The following SNX20 variants were observed in gnomAD, a reference collection of about 807,000 sequenced individuals.
The protein encoded by SNX20 is sorting nexin 20.
A neutral mutation model predicts 24.5 loss-of-function variants in SNX20; 21 were observed. The observed-to-expected ratio is 0.86, with a 90% CI of 0.61 to 1.23. The LOEUF (loss-of-function observed/expected upper bound fraction) is 1.23, where lower values mean the gene tolerates loss of function less well. SNX20 is among the 50% of genes most tolerant of loss of function. The pLI is 0.00. For synonymous variants in SNX20, 206 were observed against 192.8 expected, an observed-to-expected ratio of 1.07 and a Z score of -0.57; for missense variants, 433 against 430.8, an observed-to-expected ratio of 1.00 and a Z score of -0.04.
chr16:50,677,296 G>T, intron 2 of SNX20, 101 bp downstream of exon 2: 1 of 1,393,982 alleles, frequency 7.2e-7, no homozygotes, highest in Non-Finnish European at 9.5e-7. Flanking sequence ...AGTTACAAGA[G>T]CTGCCCGGGC....
intron 1 of SNX20, among the ~76,000 whole-genome samples, chr16:50,679,370 G>A (rs1201777575): frequency 1.3e-5 from 2 of 152,190 alleles, no homozygotes; most frequent in African/African-American, 2.4e-5. Context: ...CTGGGGCCTG[G>A]AGCCTGCACT....
At chr16:50,680,643 C>G (rs1472194849) in intron 1 of SNX20, among the ~76,000 whole-genome samples, 1 of 152,142 alleles carries the variant, frequency 6.6e-6, no homozygotes, top group Non-Finnish European at 1.5e-5. Context: ...AGACAGAGAT[C>G]CCAGGATGTT....
downstream of SNX20, chr16:50,669,456 C>T (rs1199288853): frequency 1.9e-5 from 5 of 264,908 alleles, no homozygotes; most frequent in Admixed American, 2.5e-4. Context: ...CATTCATTAC[C>T]ACGGGGAGGG....
downstream of SNX20, chr16:50,669,375 G>A: frequency 3.9e-6 from 2 of 518,564 alleles, no homozygotes; most frequent in South Asian, 4.8e-5. Context: ...TACATGGCAA[G>A]AGAGGGAGCA....
At position 50,675,758 on chromosome 16, in the gene SNX20, A is replaced by G. The variant is rs369484725; in HGVS notation, c.282+12T>C. Reference sequence around the variant, plus strand: ...GTGAAAGAGGCTCCACCATTTCCCAATCTCTGCTTACCACAAACTTAGAGA... The same window carrying G: ...GTGAAAGAGGCTCCACCATTTCCCAGTCTCTGCTTACCACAAACTTAGAGA... On this transcript the variant is annotated intron_variant, in intron 3 of 3. Coordinates refer to ENST00000330943, the MANE Select transcript of SNX20 (RefSeq NM_182854.4). The G allele has an allele frequency of 5.9e-5, 95 of 1,611,336 alleles. 1 individual carries two copies. The Middle Eastern group carries it at 1.6e-3, about 28-fold the overall frequency.
At position 50,673,813 on chromosome 16, in the gene SNX20, C is replaced by T. The variant is rs1431048290; in HGVS notation, c.544G>A (p.Asp182Asn). ...RCVRRSREFL[D>N]FLTRPELREA... Reference sequence around the variant, plus strand: ...CGCAGCTCCGGCCGCGTGAGGAAGTCCAGGAACTCCCGGGAGCGGCGCACG... The same window carrying T: ...CGCAGCTCCGGCCGCGTGAGGAAGTTCAGGAACTCCCGGGAGCGGCGCACG... The change falls in exon 4 of 4, where the codon GAC (aspartate) becomes AAC (asparagine). Residue 182 changes from aspartate (D) to asparagine (N), a missense_variant. Asp to Asn is a conservative substitution (Grantham distance 23). Transcript: ENST00000330943. This position sits in a 1 kb window ranked among gnomAD's most constrained non-coding sequence, Gnocchi z 4.1. The T allele has an allele frequency of 6.3e-7, 1 of 1,594,186 alleles. No homozygotes were observed. The highest frequency in any genetic ancestry group is 1.7e-5 in the Admixed American group (1 of 59,020).
downstream of SNX20, chr16:50,668,611 GC>G (rs1962969347): frequency 2.0e-6 from 2 of 1,016,794 alleles, no homozygotes; most frequent in African/African-American, 1.7e-5. Flanking sequence ...GCATTGTTGG[GC>G]CCCAGAGGGA....
chr16:50,667,940 G>A (rs1011659621), downstream of SNX20: 2 of 1,401,350 alleles, frequency 1.4e-6, no homozygotes, highest in South Asian at 2.5e-5. Flanking sequence ...GGTAGGGGGG[G>A]ACCCACTCAA....
At chr16:50,667,606 C>G (rs1962943679), downstream of SNX20, 1 of 241,498 alleles carries the variant, frequency 4.1e-6, no homozygotes, top group Non-Finnish European at 8.3e-6. Context: ...TGCCAGGGAT[C>G]TTTGGTTACT....
At chr16:50,679,405 G>A (rs1350370433) in intron 1 of SNX20, among the ~76,000 whole-genome samples, 4 of 152,162 alleles carry the variant, frequency 2.6e-5, no homozygotes, top group East Asian at 1.9e-4. Flanking sequence ...TTGCTGTGTC[G>A]GGTGAAAGGA....
rs1162557751 is a variant in SNX20, at chr16:50,674,221, GTTTGTTTGTTTATTTA to G, written c.283-163_283-148del. The G allele has an allele frequency of 1.4e-5, 13 of 914,894 alleles. No homozygotes were observed. The African/African-American group carries it at 2.4e-4, about 17-fold the overall frequency. The allele number at this position is 914,894 out of a possible 1,614,324, so 56.7% of individuals were successfully genotyped here. ...TATGCAATTGTTTGTTTGTTTGTTT[GTTTGTTTGTTTATTTA>G]TTTATTTATTTATTTATTTATTTAT... On this transcript the variant is annotated intron_variant, in intron 3 of 3. Transcript: ENST00000330943.
chr16:50,667,851 G>A (rs889206263), downstream of SNX20: 17 of 697,226 alleles, frequency 2.4e-5, no homozygotes, highest in Non-Finnish European at 3.2e-5. Flanking sequence ...CCTGGGAGCT[G>A]ACAGATGAGG....
chr16:50,680,218 A>G (rs1226595684), intron 1 of SNX20, among the ~76,000 whole-genome samples: 5 of 152,098 alleles, frequency 3.3e-5, no homozygotes, highest in Non-Finnish European at 7.4e-5. Flanking sequence ...CAGTTTCCTC[A>G]TCTGTGAAAT....
intron 3 of SNX20, 27 bp downstream of exon 3, chr16:50,675,743 C>G: frequency 6.2e-7 from 1 of 1,610,368 alleles, no homozygotes. Flanking sequence ...GTGAAAGAGG[C>G]TCCACCATTT....
chr16:50,675,959 A>G, intron 2 of SNX20, 38 bp from the exon 3 acceptor site: 1 of 1,558,596 alleles, frequency 6.4e-7, no homozygotes, highest in South Asian at 1.2e-5. Flanking sequence ...GCACCCTGTC[A>G]GTGCACTTCC....
intron 3 of SNX20, among the ~76,000 whole-genome samples, 155 bp from the exon 4 acceptor site, chr16:50,674,229 G>GTTTA (rs752759802): frequency 0.12 from 15,199 of 130,994 alleles, 909 homozygotes; most frequent in East Asian, 0.23. Flanking sequence ...TTGTTTGTTT[G>GTTTA]TTTATTTATT....
rs1397834785 is a variant in SNX20, at chr16:50,673,223, C to T, written c.*183G>A. On this transcript the variant is annotated 3_prime_UTR_variant, in exon 4 of 4. Coordinates refer to ENST00000330943, the MANE Select transcript of SNX20 (RefSeq NM_182854.4). This position sits in a 1 kb window ranked among gnomAD's most constrained non-coding sequence, Gnocchi z 4.1. Reference sequence around the variant, plus strand: ...GGCTGAGGTGGGAGGATTGCTTGTGCCCAGGAGTTTGAGGCTGCAGTGAGA... The same window carrying T: ...GGCTGAGGTGGGAGGATTGCTTGTGTCCAGGAGTTTGAGGCTGCAGTGAGA... The T allele has an allele frequency of 3.7e-6, 4 of 1,075,444 alleles. No homozygotes were observed. Among genetic ancestry groups the T allele is most frequent in the Non-Finnish European group, 3.6e-6 (3 of 835,794 alleles). The allele number at this position is 1,075,444 out of a possible 1,614,324, so 66.6% of individuals were successfully genotyped here. A position where few individuals can be genotyped will look rare whatever the true frequency, so the allele number is the denominator to read the frequency against.
In SNX20 at chr16:50,679,836, C is replaced by A. The variant is rs538187292; in HGVS notation, c.-10+1354G>T. 2.6e-5 allele frequency among the ~76,000 whole-genome samples: 4 copies of A among 152,316 alleles called. No homozygotes were observed. The East Asian group carries it at 7.7e-4, about 29-fold the overall frequency. On this transcript the variant is annotated intron_variant, in intron 1 of 3. Coordinates refer to ENST00000330943, the MANE Select transcript of SNX20 (RefSeq NM_182854.4). ...CTGGGATTCTTGGGGGCCCAGGGCA[C>A]TCCTATGCTCAGCACTTCTGTAAAA...
downstream of SNX20, chr16:50,667,737 A>C (rs1169366119): frequency 4.3e-6 from 2 of 467,840 alleles, no homozygotes; most frequent in Non-Finnish European, 7.6e-6. Flanking sequence ...AGTTCTAGCT[A>C]TGGGGACAGC....
Sources: allele counts gnomAD v4.1 joint callset (sites outside exome capture counted in the v4.1 genomes callset), GRCh38; gene constraint gnomAD v4.1.1; non-coding constraint Gnocchi (gnomAD v3.1); transcripts MANE v1.5; gene names NCBI Gene and HGNC (gene_info 2026-07-23, HGNC 2026-07-21).